Variants in RNF220 observed in about 807,000 individuals in gnomAD.
RNF220 encodes the protein E3 ubiquitin-protein ligase RNF220.
A neutral mutation model predicts 67.1 loss-of-function variants in RNF220; 7 were observed. The ratio of observed to expected loss-of-function variants is 0.10; its 90% confidence interval spans 0.06 to 0.20. The LOEUF is 0.20. Ranked by LOEUF, RNF220 falls within the 10% of genes least tolerant of loss-of-function variation. RNF220 has a pLI of 1.00. For synonymous variants in RNF220, 270 were observed against 283.2 expected (o/e 0.95, Z 0.47); for missense variants, 565 against 740.3 (o/e 0.76, Z 2.75).
Position 44,412,814 on chromosome 1 carries a change from G to T in RNF220, c.625+92G>T. The T allele has an allele frequency of 1.4e-6, 2 of 1,428,128 alleles. No homozygotes were observed. The highest frequency in any genetic ancestry group is 1.9e-6 in the Non-Finnish European group (2 of 1,048,672). 88.5% of individuals were successfully genotyped at this position (1,428,128 alleles called of 1,614,324 possible). A position where few individuals can be genotyped will look rare whatever the true frequency, so the allele number is the denominator to read the frequency against. On this transcript the variant is annotated intron_variant, in intron 2 of 14. Coordinates refer to ENST00000361799, the MANE Select transcript of RNF220 (RefSeq NM_018150.4). This position sits in a 1 kb window ranked among gnomAD's most constrained non-coding sequence, Gnocchi z 5.3. ...GTCGGTGGCGTTTTGCATGCTCCTA[G>T]TAATAGGAAGGGCCAACTACTTCCC...
At chr1:44,532,083 G>T (rs1660878000) in intron 2 of RNF220, among the ~76,000 whole-genome samples, 1 of 152,140 alleles carries the variant, frequency 6.6e-6, no homozygotes, top group African/African-American at 2.4e-5. Flanking sequence ...TACTGCTGAT[G>T]ATTCATAATG....
intron 2 of RNF220, among the ~76,000 whole-genome samples, chr1:44,525,228 G>A (rs1660273564): frequency 6.6e-6 from 1 of 152,212 alleles, no homozygotes; most frequent in African/African-American, 2.4e-5. Context: ...AGCCGTGTCA[G>A]GGCCTGCCTG....
At chr1:44,527,103 G>T (rs970801359) in intron 2 of RNF220, among the ~76,000 whole-genome samples, 2 of 151,936 alleles carry the variant, frequency 1.3e-5, no homozygotes, top group African/African-American at 2.4e-5. Context: ...AAACACTGAT[G>T]AATACCATGG....
intron 2 of RNF220, among the ~76,000 whole-genome samples, chr1:44,534,760 G>T (rs186243957): frequency 6.6e-6 from 1 of 152,298 alleles, no homozygotes; most frequent in Admixed American, 6.5e-5. Context: ...TGATCCTCCA[G>T]TTCGTTAACC....
chr1:44,409,092 T>C (rs1298796162), intron 1 of RNF220, among the ~76,000 whole-genome samples: 2 of 152,274 alleles, frequency 1.3e-5, no homozygotes, highest in African/African-American at 4.8e-5. Context: ...TCATTTGTCT[T>C]GGTTCTGGCG....
At chr1:44,458,089 T>G (rs1425348282) in intron 2 of RNF220, among the ~76,000 whole-genome samples, 1 of 151,730 alleles carries the variant, frequency 6.6e-6, no homozygotes, top group Non-Finnish European at 1.5e-5. Flanking sequence ...AGACCCTCCC[T>G]CTACACAAAA....
intron 2 of RNF220, among the ~76,000 whole-genome samples, chr1:44,497,494 T>C (rs1330628234): frequency 1.3e-5 from 2 of 152,200 alleles, no homozygotes; most frequent in African/African-American, 2.4e-5. Flanking sequence ...ACATCAGGTC[T>C]CATCAGGGTG....
chr1:44,629,704 T>C (rs1230369498), intron 5 of RNF220, among the ~76,000 whole-genome samples: 1 of 151,878 alleles, frequency 6.6e-6, no homozygotes, highest in Non-Finnish European at 1.5e-5. Context: ...AAATTAATAA[T>C]AAAGAATACG....
intron 2 of RNF220, among the ~76,000 whole-genome samples, chr1:44,468,443 G>T (rs1360432471): frequency 6.6e-6 from 1 of 152,142 alleles, no homozygotes; most frequent in African/African-American, 2.4e-5. Context: ...TGTGTTGTAG[G>T]AAGATAAACA....
intron 2 of RNF220, among the ~76,000 whole-genome samples, chr1:44,517,801 G>C (rs1659572172): frequency 6.6e-6 from 1 of 152,216 alleles, no homozygotes; most frequent in South Asian, 2.1e-4. Flanking sequence ...ATAAAGAAGA[G>C]CTTGGATTTA....
intron 2 of RNF220, among the ~76,000 whole-genome samples, chr1:44,590,245 C>T (rs911499243): frequency 1.3e-5 from 2 of 152,254 alleles, no homozygotes; most frequent in African/African-American, 4.8e-5. Context: ...GGCAATCACT[C>T]ATATGAGGCC....
chr1:44,629,635 C>G (rs1165104580), intron 5 of RNF220, among the ~76,000 whole-genome samples: 1 of 151,964 alleles, frequency 6.6e-6, no homozygotes, highest in Non-Finnish European at 1.5e-5. Flanking sequence ...GCCAGGAGTT[C>G]AAGACCAGCC....
intron 2 of RNF220, among the ~76,000 whole-genome samples, chr1:44,538,159 A>G (rs1661382040): frequency 6.6e-6 from 1 of 152,208 alleles, no homozygotes; most frequent in Non-Finnish European, 1.5e-5. Flanking sequence ...AATGCTGTAC[A>G]GGACAAAGGA....
chr1:44,647,802 G>C lies in RNF220; in HGVS notation c.1446-1859G>C, dbSNP rs1425229045. On this transcript the variant is annotated intron_variant, in intron 12 of 14. Transcript: ENST00000361799. The stretch of plus-strand genomic sequence containing the variant: ...AGCCAATTGTCTCCCCTAAACTGCA[G>C]AACAGGTGCCCCCAGGAGACTGTCC... 5.3e-5 allele frequency among the ~76,000 whole-genome samples: 8 copies of C among 152,238 alleles called. No homozygotes were observed. In the East Asian group the frequency reaches 5.8e-4, roughly 11 times the overall value.
intron 1 of RNF220, among the ~76,000 whole-genome samples, chr1:44,406,834 G>A (rs1647386336): frequency 3.9e-5 from 6 of 152,292 alleles, no homozygotes; most frequent in Admixed American, 3.3e-4. Flanking sequence ...CGCCCACGGT[G>A]GTGAGGCCAT....
Position 44,555,888 on chromosome 1 carries a change from C to T in RNF220, c.626-58277C>T, listed in dbSNP as rs1448726801. On this transcript the variant is annotated intron_variant, in intron 2 of 14. Transcript: ENST00000361799. ...GAACTCCTACTAATCTTTCAAGACC[C>T]AGCTAAAGTGATACACCCTTCTTGA... is the stretch of plus-strand genomic sequence containing the variant. Among the ~76,000 whole-genome samples the T allele has an allele frequency of 2.2e-4, 33 of 150,812 alleles. 1 individual carries two copies. Among genetic ancestry groups the T allele is most frequent in the Non-Finnish European group, 7.3e-5 (5 of 68,034 alleles).
intron 2 of RNF220, among the ~76,000 whole-genome samples, chr1:44,608,688 T>C (rs1021389502): frequency 6.6e-6 from 1 of 152,156 alleles, no homozygotes; most frequent in African/African-American, 2.4e-5. Flanking sequence ...GGATAGATGA[T>C]AGGTAGATGG....
chr1:44,545,345 A>G (rs1479007111), intron 2 of RNF220: 2 of 154,188 alleles, frequency 1.3e-5, no homozygotes, highest in East Asian at 3.8e-4. Flanking sequence ...GAAGAAAGCT[A>G]CTGTGTATTT....
At chr1:44,597,007 A>G (rs770122057) in intron 2 of RNF220, among the ~76,000 whole-genome samples, 1 of 152,190 alleles carries the variant, frequency 6.6e-6, no homozygotes, top group Non-Finnish European at 1.5e-5. Flanking sequence ...GGAGGAGGAT[A>G]AGGGACATGG....
Sources: allele counts gnomAD v4.1 joint callset (sites outside exome capture counted in the v4.1 genomes callset), GRCh38; gene constraint gnomAD v4.1.1; non-coding constraint Gnocchi (gnomAD v3.1); transcripts MANE v1.5; gene names NCBI Gene and HGNC (gene_info 2026-07-23, HGNC 2026-07-21).